PFN4: variants seen among roughly 807,000 people sequenced by gnomAD.
PFN4 encodes the protein profilin family member 4, also known as profilin-4.
In PFN4, 10 loss-of-function variants were observed where a neutral mutation model predicts 16.3. That is an observed-to-expected ratio of 0.61 (90% CI 0.38 to 1.04). PFN4 has a LOEUF of 1.04. Ranked by LOEUF, PFN4 falls within the 50% of genes least tolerant of loss-of-function variation. PFN4 has a pLI of 0.01. For missense variants in PFN4, 136 were observed against 153.6 expected (o/e 0.89, Z 0.61); for synonymous variants, 54 against 56.9 (o/e 0.95, Z 0.23).
At chr2:24,121,511 T>C (rs1012995338) in intron 2 of PFN4, among the ~76,000 whole-genome samples, 3 of 152,232 alleles carry the variant, frequency 2.0e-5, no homozygotes, top group Admixed American at 1.3e-4. Context: ...TATAAAATTT[T>C]ATTGGAACAC....
Position 24,115,597 on chromosome 2 carries a change from T to TG in PFN4, c.375_376insC (p.Lys126GlnfsTer22). ...CCTCTGATGACTTAACTTCCTTTTT[T>TG]TCTTAGGTAGTCTCCTGAAAGCAAA... On this transcript the variant is annotated frameshift_variant, in exon 5 of 5. Coordinates refer to ENST00000313213, the MANE Select transcript of PFN4 (RefSeq NM_199346.3). LOFTEE classifies it high-confidence loss of function. 1 of 1,612,908 alleles carries TG rather than the reference T, an allele frequency of 6.2e-7. No homozygotes were observed. The highest frequency in any genetic ancestry group is 8.5e-7 in the Non-Finnish European group (1 of 1,179,606).
chr2:24,117,346 A>G (rs1262200562), intron 4 of PFN4, among the ~76,000 whole-genome samples: 1 of 152,072 alleles, frequency 6.6e-6, no homozygotes, highest in Non-Finnish European at 1.5e-5. Flanking sequence ...GTAGCATAGC[A>G]TCCTTTTCCT....
In PFN4 at chr2:24,115,391, T is replaced by G; in HGVS notation, c.*192A>C. 1 of 587,912 alleles carries G rather than the reference T, an allele frequency of 1.7e-6. No homozygotes were observed. The highest frequency in any genetic ancestry group is 2.1e-5 in the South Asian group (1 of 48,694). 36.4% of individuals were successfully genotyped at this position (587,912 alleles called of 1,614,324 possible). ...TTCCATGCCGATGACCAACACTTAT[T>G]AAAAAACAGTTGATCAAGTAATTCC... On this transcript the variant is annotated 3_prime_UTR_variant, in exon 5 of 5. Coordinates refer to ENST00000313213, the MANE Select transcript of PFN4 (RefSeq NM_199346.3).
At chr2:24,123,473 T>A (rs904960297), upstream of PFN4, 1 of 152,110 alleles carries the variant, frequency 6.6e-6, no homozygotes, top group South Asian at 2.1e-4. Context: ...CCGCGCGGAC[T>A]CGCTGTGGAA....
At chr2:24,122,675 TG>T in intron 1 of PFN4, 128 bp from the exon 2 acceptor site, 1 of 613,548 alleles carries the variant, frequency 1.6e-6, no homozygotes, top group Non-Finnish European at 2.9e-6. Flanking sequence ...AGGTACAGGG[TG>T]AAAACGGTGG....
At chr2:24,120,686 G>C (rs10195984) in intron 3 of PFN4, among the ~76,000 whole-genome samples, 17,875 of 151,972 alleles carry the variant, frequency 0.12, 1,234 homozygotes, top group South Asian at 0.18. Flanking sequence ...CTCCCAAGTA[G>C]CTGGGATTAC....
At chr2:24,121,853 T>C (rs1666129385) in intron 2 of PFN4, among the ~76,000 whole-genome samples, 3 of 152,180 alleles carry the variant, frequency 2.0e-5, no homozygotes, top group Admixed American at 1.3e-4. Flanking sequence ...ACCTCTGCCA[T>C]GAGTGGAAGC....
Position 24,121,433 on chromosome 2 carries a change from A to G in PFN4, c.118-133T>C, listed in dbSNP as rs1573753703. The G allele has an allele frequency of 2.6e-5, 21 of 806,490 alleles. No homozygotes were observed. The East Asian group carries it at 5.6e-4, about 22-fold the overall frequency. 50.0% of individuals were successfully genotyped at this position (806,490 alleles called of 1,614,324 possible). ...CATGTTTTTAAATGGTTGGGGAAAA[A>G]AAATCAAAAGAATAACACTTCGTGA... On this transcript the variant is annotated intron_variant, in intron 2 of 4. Transcript: ENST00000313213.
Position 24,121,229 on chromosome 2 carries a change from T to A in PFN4, c.189A>T (p.Gly63=). The stretch of plus-strand genomic sequence containing the variant: ...TGTAATCTTTTCCCTTGAAATACAG[T>A]CCTTCTCTTCGGGCTTGCAAAGGGT... ...AKNPLQARRE[G]LYFKGKDYRC... Residue 63 remains glycine, a synonymous_variant, in exon 3 of 5, where the codon GGA becomes GGT. Coordinates refer to ENST00000313213, the MANE Select transcript of PFN4 (RefSeq NM_199346.3). The A allele has an allele frequency of 1.2e-6, 2 of 1,614,194 alleles. No homozygotes were observed. Among genetic ancestry groups the A allele is most frequent in the Non-Finnish European group, 1.7e-6 (2 of 1,180,028 alleles).
At chr2:24,118,060 A>G (rs1324417592) in intron 4 of PFN4, among the ~76,000 whole-genome samples, 1 of 152,204 alleles carries the variant, frequency 6.6e-6, no homozygotes, top group Non-Finnish European at 1.5e-5. Flanking sequence ...CATGACCTAC[A>G]TTACAGTAGT....
In PFN4 at chr2:24,119,653, G is replaced by T. The variant is rs775430317; in HGVS notation, c.285C>A (p.Thr95=). The T allele has an allele frequency of 1.9e-6, 3 of 1,613,188 alleles. No individual in the cohort carries two copies. The highest frequency in any genetic ancestry group is 2.5e-6 in the Non-Finnish European group (3 of 1,179,462). ...NENTGVVVVK[T]HLYLLVATYT... is the part of the protein sequence containing the mutation. ...AAGTTGCTACCAGAAGATACAGATGGGTCTTCACGACAACCACACCAGTGT... is the reference window on the plus strand; with the variant it reads ...AAGTTGCTACCAGAAGATACAGATGTGTCTTCACGACAACCACACCAGTGT... Residue 95 remains threonine (T), a synonymous_variant, in exon 4 of 5, where the codon ACC becomes ACA. Transcript: ENST00000313213.
intron 2 of PFN4, among the ~76,000 whole-genome samples, chr2:24,121,887 C>T (rs1666130508): frequency 1.3e-5 from 2 of 152,304 alleles, no homozygotes; most frequent in African/African-American, 4.8e-5. Flanking sequence ...CACAGATGAC[C>T]AGTCTTCCAG....
At chr2:24,117,935 A>C (rs1331471964) in intron 4 of PFN4, among the ~76,000 whole-genome samples, 1 of 152,186 alleles carries the variant, frequency 6.6e-6, no homozygotes, top group Non-Finnish European at 1.5e-5. Flanking sequence ...TTCCCAGAGC[A>C]GTGGGATATT....
chr2:24,118,790 T>C (rs535836869), intron 4 of PFN4, among the ~76,000 whole-genome samples: 10 of 152,334 alleles, frequency 6.6e-5, no homozygotes, highest in Non-Finnish European at 1.3e-4. Context: ...TTATCTAGGA[T>C]AGTGCAGGGC....
intron 4 of PFN4, 136 bp downstream of exon 4, chr2:24,119,441 A>C: frequency 1.6e-6 from 1 of 617,568 alleles, no homozygotes; most frequent in African/African-American, 1.8e-5. Flanking sequence ...TCCAGTGGCT[A>C]TGTAAATAAC....
intron 4 of PFN4, among the ~76,000 whole-genome samples, chr2:24,116,435 T>G (rs1192924784): frequency 6.6e-6 from 1 of 152,196 alleles, no homozygotes; most frequent in Admixed American, 6.5e-5. Flanking sequence ...CAGTTGATCC[T>G]CCTGCCTCAG....
At chr2:24,122,717 G>T in intron 1 of PFN4, 170 bp from the exon 2 acceptor site, 1 of 493,868 alleles carries the variant, frequency 2.0e-6, no homozygotes, top group Non-Finnish European at 3.6e-6. Flanking sequence ...AGTACCCAAA[G>T]AGGAAAACAG....
intron 4 of PFN4, among the ~76,000 whole-genome samples, chr2:24,118,367 A>T (rs1241735974): frequency 6.6e-6 from 1 of 152,292 alleles, no homozygotes; most frequent in East Asian, 1.9e-4. Flanking sequence ...GATAAACTTA[A>T]TTTCTCAATT....
At chr2:24,115,863 T>A (rs1234720718) in intron 4 of PFN4, among the ~76,000 whole-genome samples, 1 of 147,268 alleles carries the variant, frequency 6.8e-6, no homozygotes, top group Admixed American at 6.9e-5. Flanking sequence ...AGTGCCATAG[T>A]AGAGGTATTT....
Sources: gnomAD v4.1 joint callset for allele counts (sites outside exome capture counted in the v4.1 genomes callset) on GRCh38, gnomAD v4.1.1 for gene constraint, MANE v1.5 for transcripts, NCBI Gene and HGNC (gene_info 2026-07-23, HGNC 2026-07-21) for gene names.